AGTPBP1: variants seen among roughly 807,000 people sequenced by gnomAD.
The protein encoded by AGTPBP1 is ATP/GTP binding carboxypeptidase 1.
Under a neutral mutation model 143.9 loss-of-function variants are expected in AGTPBP1, and 70 were observed. The ratio of observed to expected loss-of-function variants is 0.49; its 90% confidence interval spans 0.40 to 0.59. The LOEUF (loss-of-function observed/expected upper bound fraction) is 0.59, where lower values mean the gene tolerates loss of function less well. Among genes scored for constraint, AGTPBP1 ranks in the 20% least tolerant of loss-of-function variants. AGTPBP1 has a pLI of 0.00. For synonymous variants in AGTPBP1, 463 were observed against 500.2 expected (o/e 0.93, Z 0.99); for missense variants, 1,229 against 1,464.5 (o/e 0.84, Z 2.62).
At chr9:85,682,230 A>G (rs1835236102) in intron 3 of AGTPBP1, among the ~76,000 whole-genome samples, 1 of 150,122 alleles carries the variant, frequency 6.7e-6, no homozygotes, top group Non-Finnish European at 1.5e-5. Flanking sequence ...GAAGGTTTCT[A>G]GAGCTTCTCC....
At chr9:85,586,136 G>A (rs62566897) in intron 22 of AGTPBP1, among the ~76,000 whole-genome samples, 2,469 of 151,462 alleles carry the variant, frequency 0.016, 30 homozygotes, top group Middle Eastern at 0.054. Context: ...TTGCTTGAAC[G>A]TGGGAGGCAG....
At chr9:85,801,975 CTA>C in the AGTPBP1 span, among the ~76,000 whole-genome samples, 8 of 152,142 alleles carry the variant, frequency 5.3e-5, no homozygotes, top group Non-Finnish European at 1.2e-4. Flanking sequence ...ATATATATAA[CTA>C]TGTGGATGTT....
the AGTPBP1 span, among the ~76,000 whole-genome samples, chr9:85,796,427 T>C: frequency 6.5e-3 from 985 of 152,270 alleles, 14 homozygotes; most frequent in African/African-American, 0.023. Flanking sequence ...TTCTAATTGC[T>C]TCTCTCTGAC....
intron 3 of AGTPBP1, among the ~76,000 whole-genome samples, chr9:85,688,460 G>T (rs1295034279): frequency 6.6e-6 from 1 of 152,018 alleles, no homozygotes; most frequent in African/African-American, 2.4e-5. Context: ...TGTCCCTGGG[G>T]GAAAAAGTGG....
chr9:85,742,361 CT>C (rs1409446669), upstream of AGTPBP1, among the ~76,000 whole-genome samples: 2 of 152,086 alleles, frequency 1.3e-5, no homozygotes, highest in African/African-American at 4.8e-5. Flanking sequence ...CGCCCACCCC[CT>C]CCCCCGCCAT....
At chr9:85,792,722 A>G in the AGTPBP1 span, among the ~76,000 whole-genome samples, 4 of 152,358 alleles carry the variant, frequency 2.6e-5, no homozygotes, top group South Asian at 6.2e-4. Context: ...TTTTTGTTAC[A>G]TAGCAAATAT....
chr9:85,554,580 C>T (rs1826219125), intron 25 of AGTPBP1, among the ~76,000 whole-genome samples: 1 of 152,148 alleles, frequency 6.6e-6, no homozygotes, highest in Non-Finnish European at 1.5e-5. Context: ...CTTAAGGAAA[C>T]TCAGGGGCTC....
At chr9:85,773,320 C>CTTT in the AGTPBP1 span, among the ~76,000 whole-genome samples, 56 of 29,952 alleles carry the variant, frequency 1.9e-3, no homozygotes, top group Non-Finnish European at 2.7e-3. Flanking sequence ...CCAACAAATT[C>CTTT]TTTTTTTTTT....
chr9:85,633,367 T>C lies in AGTPBP1; in HGVS notation c.1310A>G (p.Asp437Gly). The C allele has an allele frequency of 6.4e-7, 1 of 1,551,270 alleles. No individual in the cohort carries two copies. Among genetic ancestry groups the C allele is most frequent in the Non-Finnish European group, 8.7e-7 (1 of 1,155,632 alleles). ...PELVDDFQDY[D>G]LISKEPKPFV... Reference sequence around the variant, plus strand: ...AGGCTTTGGTTCTTTGGAGATTAAATCATAGTCCTTTGAAAATAAAAACAT... The same window carrying C: ...AGGCTTTGGTTCTTTGGAGATTAAACCATAGTCCTTTGAAAATAAAAACAT... Residue 437 changes from aspartate to glycine, a missense_variant, in exon 14 of 26, where the codon GAT (aspartate) becomes GGT (glycine). This residue lies in a region of AGTPBP1 where 743 missense variants were observed against 812.2 expected (regional missense o/e 0.91). Coordinates refer to ENST00000357081, the MANE Select transcript of AGTPBP1 (RefSeq NM_001330701.2).
chr9:85,779,206 GAT>G, the AGTPBP1 span, among the ~76,000 whole-genome samples: 1 of 98,728 alleles, frequency 1.0e-5, no homozygotes, highest in East Asian at 3.2e-4. Flanking sequence ...TATAGATATA[GAT>G]ATAGATATAG....
intron 8 of AGTPBP1, among the ~76,000 whole-genome samples, chr9:85,668,833 A>G (rs560471909): frequency 1.1e-3 from 170 of 151,664 alleles, no homozygotes; most frequent in Admixed American, 2.2e-3. Flanking sequence ...AAATTCCACA[A>G]TAAAAAAAAA....
chr9:85,746,703 CTATTGTA>C (rs1316129577), upstream of AGTPBP1, among the ~76,000 whole-genome samples: 1 of 151,434 alleles, frequency 6.6e-6, no homozygotes, highest in African/African-American at 2.4e-5. Context: ...AGCATGATGA[CTATTGTA>C]TACTGGAAAT....
chr9:85,753,089 T>G, the AGTPBP1 span, among the ~76,000 whole-genome samples: 1 of 152,106 alleles, frequency 6.6e-6, no homozygotes, highest in African/African-American at 2.4e-5. Flanking sequence ...CATCTACTCA[T>G]TTTCTCTTTC....
chr9:85,551,885 C>T (rs753869352), intron 25 of AGTPBP1, among the ~76,000 whole-genome samples: 1 of 152,022 alleles, frequency 6.6e-6, no homozygotes, highest in Non-Finnish European at 1.5e-5. Context: ...TTCTTACAAT[C>T]ATAAGAAAAA....
Position 85,677,615 on chromosome 9 carries a change from CAAATT to C in AGTPBP1, c.290-38_290-34del, listed in dbSNP as rs540811506. ...TTAAAAAAAAAAAAAATTTAAACAA[CAAATT>C]AAAAAAAAATTAACAAATTTAAACA... is the stretch of plus-strand genomic sequence containing the variant. On this transcript the variant is annotated intron_variant, in intron 5 of 25. Coordinates refer to ENST00000357081, the MANE Select transcript of AGTPBP1 (RefSeq NM_001330701.2). The C allele has an allele frequency of 1.9e-4, 275 of 1,450,172 alleles. 1 individual carries two copies. The African/African-American group carries it at 2.1e-3, about 11-fold the overall frequency. The allele number at this position is 1,450,172 out of a possible 1,614,324, so 89.8% of individuals were successfully genotyped here.
At chr9:85,697,445 G>GTTTTTTTTTTTTTTTTTTT (rs758082233) in intron 2 of AGTPBP1, among the ~76,000 whole-genome samples, 19 of 65,062 alleles carry the variant, frequency 2.9e-4, no homozygotes, top group South Asian at 6.2e-4. Context: ...TTTGTTTTTT[G>GTTTTTTTTTTTTTTTTTTT]TTTTTTTTTT....
At chr9:85,684,385 C>T in intron 3 of AGTPBP1, among the ~76,000 whole-genome samples, 1 of 152,164 alleles carries the variant, frequency 6.6e-6, no homozygotes, top group Non-Finnish European at 1.5e-5. Context: ...GTCCTTTCAC[C>T]TATGTTCTGA....
At chr9:85,741,441 A>C (rs1250569085) in intron 1 of AGTPBP1, 1 of 984,658 alleles carries the variant, frequency 1.0e-6, no homozygotes, top group African/African-American at 1.8e-5. Context: ...GCCCGAGAGA[A>C]AGGGCTGAGC....
At chr9:85,739,970 C>T (rs75965798) in intron 1 of AGTPBP1, among the ~76,000 whole-genome samples, 2,205 of 151,288 alleles carry the variant, frequency 0.015, 25 homozygotes, top group Middle Eastern at 0.037. Flanking sequence ...ACCACTGGCA[C>T]TCTAGCCTGG....
Sources: allele counts gnomAD v4.1 joint callset (sites outside exome capture counted in the v4.1 genomes callset), GRCh38; gene constraint gnomAD v4.1.1; regional missense constraint gnomAD v4.1.1; transcripts MANE v1.5; gene names NCBI Gene and HGNC (gene_info 2026-07-23, HGNC 2026-07-21).